The following CDH4 variants were observed in gnomAD, a reference collection of about 807,000 sequenced individuals.
CDH4 encodes cadherin 4.
A neutral mutation model predicts 86.0 loss-of-function variants in CDH4; 33 were observed. That is an observed-to-expected ratio of 0.38 (90% CI 0.29 to 0.51). The LOEUF (loss-of-function observed/expected upper bound fraction) is 0.51, where lower values mean the gene tolerates loss of function less well. Ranked by LOEUF, CDH4 falls within the 20% of genes least tolerant of loss-of-function variation. The probability of loss-of-function intolerance (pLI) is 0.86; values close to 1 mark genes in which losing one functional copy is unlikely to be tolerated. For synonymous variants in CDH4, 555 were observed against 549.4 expected, an observed-to-expected ratio of 1.01 and a Z score of -0.14; for missense variants, 1,114 against 1,307.4, an observed-to-expected ratio of 0.85 and a Z score of 2.28.
At chr20:61,913,268 G>A (rs905092916) in intron 9 of CDH4, among the ~76,000 whole-genome samples, 12 of 152,180 alleles carry the variant, frequency 7.9e-5, no homozygotes, top group African/African-American at 2.9e-4. Context: ...AAGGAAGAAG[G>A]CTGGCTCGAT....
rs529352843 is a variant in CDH4, at chr20:61,848,143, C to G, written c.732+3320C>G. 5.9e-5 allele frequency among the ~76,000 whole-genome samples: 9 copies of G among 152,370 alleles called. No individual in the cohort carries two copies. In the East Asian group the frequency reaches 1.7e-3, roughly 29 times the overall value. ...CCCCCAGAAAGATGGGGATCACAGG[C>G]TGGTGGGGACCAGGGACCTGGGTCC... On this transcript the variant is annotated intron_variant, in intron 5 of 15. Coordinates refer to ENST00000614565, the MANE Select transcript of CDH4 (RefSeq NM_001794.5).
chr20:61,746,487 C>A (rs1011580001), intron 3 of CDH4, among the ~76,000 whole-genome samples: 2 of 152,220 alleles, frequency 1.3e-5, no homozygotes, highest in African/African-American at 4.8e-5. Context: ...GGGTGCTGAG[C>A]ATGTGACCAC....
chr20:61,835,581 A>G (rs775122936), intron 4 of CDH4, among the ~76,000 whole-genome samples: 6 of 150,930 alleles, frequency 4.0e-5, no homozygotes, highest in Non-Finnish European at 8.9e-5. Flanking sequence ...GGGTCGGCCC[A>G]CAGAGGCAGC....
At chr20:61,570,134 T>C (rs2086331178) in intron 2 of CDH4, 1 of 152,804 alleles carries the variant, frequency 6.5e-6, no homozygotes, top group Non-Finnish European at 1.5e-5. Context: ...TATTGAGAAC[T>C]ATCTTGGGCC....
intron 2 of CDH4, among the ~76,000 whole-genome samples, chr20:61,567,030 G>A (rs2086303619): frequency 1.3e-5 from 2 of 152,330 alleles, no homozygotes; most frequent in Non-Finnish European, 2.9e-5. Context: ...GCTCTGTGAG[G>A]TGGAGAGCAG....
rs1026845149 is a variant in CDH4, at chr20:61,829,285, C to T, written c.577-15383C>T. Among the ~76,000 whole-genome samples the T allele has an allele frequency of 4.6e-5, 7 of 152,234 alleles. No individual in the cohort carries two copies. Among genetic ancestry groups the T allele is most frequent in the Non-Finnish European group, 7.3e-5 (5 of 68,038 alleles). On this transcript the variant is annotated intron_variant, in intron 4 of 15. Coordinates refer to ENST00000614565, the MANE Select transcript of CDH4 (RefSeq NM_001794.5). This position sits in a 1 kb window ranked among gnomAD's most constrained non-coding sequence, Gnocchi z 4.2. ...TGTGGGGTTTGTGTCCGGCTTCTTT[C>T]GCTGAGCATAATGTTTTCAAGGTTC...
At chr20:61,601,183 G>A (rs111836550) in intron 2 of CDH4, among the ~76,000 whole-genome samples, 9 of 152,318 alleles carry the variant, frequency 5.9e-5, no homozygotes, top group Admixed American at 4.6e-4. Context: ...AAGGCAAAGC[G>A]GGAGCAGGCA....
At position 61,635,478 on chromosome 20, in the gene CDH4, C is replaced by T. The variant is rs114111720; in HGVS notation, c.170-108085C>T. Among the ~76,000 whole-genome samples the T allele has an allele frequency of 8.9e-3, 1,359 of 152,274 alleles. 20 individuals carry two copies. Among genetic ancestry groups the T allele is most frequent in the African/African-American group, 0.031 (1,293 of 41,552 alleles). ...GGGCTGGCAGAGGGAGGGCCTTTTG[C>T]CTGCGTTTTGAAGGCAGACCTTCAG... is the stretch of plus-strand genomic sequence containing the variant. On this transcript the variant is annotated intron_variant, in intron 2 of 15. Transcript: ENST00000614565.
chr20:61,290,881 G>T (rs2084317013), intron 2 of CDH4, among the ~76,000 whole-genome samples: 1 of 152,194 alleles, frequency 6.6e-6, no homozygotes. Flanking sequence ...AGGGTCTGAT[G>T]TTAGCTTCAG....
intron 3 of CDH4, among the ~76,000 whole-genome samples, chr20:61,755,741 GCACACACTACATGC>G (rs2088556991): frequency 6.9e-6 from 1 of 145,142 alleles, no homozygotes; most frequent in Non-Finnish European, 1.5e-5. Flanking sequence ...CACATACACT[GCACACACTACATGC>G]CACACACACT....
At chr20:61,538,101 G>A (rs7269978) in intron 2 of CDH4, among the ~76,000 whole-genome samples, 47,148 of 151,462 alleles carry the variant, frequency 0.31, 11,897 homozygotes, top group African/African-American at 0.69. Flanking sequence ...ATTCACACAG[G>A]AGCTGTCCGA....
chr20:61,834,385 C>T (rs549537377), intron 4 of CDH4, among the ~76,000 whole-genome samples: 124 of 152,334 alleles, frequency 8.1e-4, no homozygotes, highest in African/African-American at 2.6e-3. Flanking sequence ...TCCCACTACA[C>T]CTGCACCTGT....
At chr20:61,618,847 C>T (rs182043524) in intron 2 of CDH4, among the ~76,000 whole-genome samples, 51 of 152,300 alleles carry the variant, frequency 3.3e-4, no homozygotes, top group African/African-American at 5.5e-4. Context: ...CAGGGGCCAA[C>T]GGGGTGACTT....
intron 4 of CDH4, among the ~76,000 whole-genome samples, chr20:61,802,956 G>T (rs1427567161): frequency 6.6e-6 from 1 of 152,188 alleles, no homozygotes; most frequent in South Asian, 2.1e-4. Context: ...CCTGGGTCTG[G>T]CTCTCTCCAA....
At chr20:61,682,462 GGGATGGATGGATGGACAGAT>G (rs1218950307) in intron 2 of CDH4, among the ~76,000 whole-genome samples, 3 of 147,788 alleles carry the variant, frequency 2.0e-5, no homozygotes, top group African/African-American at 5.0e-5. Context: ...GAGGGAGGGA[GGGATGGATGGATGGACAGAT>G]GGATGGATGG....
intron 2 of CDH4, among the ~76,000 whole-genome samples, chr20:61,667,261 G>A (rs6061306): frequency 0.016 from 2,422 of 152,312 alleles, 57 homozygotes; most frequent in African/African-American, 0.055. Context: ...AGAAACAGTC[G>A]GCCGGGATGG....
intron 9 of CDH4, among the ~76,000 whole-genome samples, chr20:61,910,934 C>T (rs1470269970): frequency 1.3e-5 from 2 of 152,202 alleles, no homozygotes; most frequent in Non-Finnish European, 2.9e-5. Flanking sequence ...ATTCCTGAGA[C>T]AGATCCCACT....
At chr20:61,275,450 G>T (rs1437178086) in intron 2 of CDH4, among the ~76,000 whole-genome samples, 1 of 132,078 alleles carries the variant, frequency 7.6e-6, no homozygotes, top group Non-Finnish European at 1.6e-5. Flanking sequence ...TGTGCAGTTT[G>T]GGGGAGTACC....
chr20:61,339,125 T>C (rs977204884), intron 2 of CDH4, among the ~76,000 whole-genome samples: 1 of 152,206 alleles, frequency 6.6e-6, no homozygotes, highest in African/African-American at 2.4e-5. Context: ...AATTGCAGAA[T>C]TATTTTGACA....
Sources: allele counts gnomAD v4.1 joint callset (sites outside exome capture counted in the v4.1 genomes callset), GRCh38; gene constraint gnomAD v4.1.1; non-coding constraint Gnocchi (gnomAD v3.1); transcripts MANE v1.5; gene names NCBI Gene and HGNC (gene_info 2026-07-23, HGNC 2026-07-21).